CLIC4: variants seen among roughly 807,000 people sequenced by gnomAD.
CLIC4 encodes the protein CLIC family member 4, also known as chloride intracellular channel protein 4.
In CLIC4, 13 loss-of-function variants were observed where a neutral mutation model predicts 24.6. The observed-to-expected ratio is 0.53, with a 90% CI of 0.34 to 0.84. The LOEUF (loss-of-function observed/expected upper bound fraction) is 0.84, where lower values mean the gene tolerates loss of function less well. Among genes scored for constraint, CLIC4 ranks in the 40% least tolerant of loss-of-function variants. The pLI is 0.01. For missense variants in CLIC4, 227 were observed against 301.7 expected (o/e 0.75, Z 1.83); for synonymous variants, 104 against 111.3 (o/e 0.93, Z 0.41).
chr1:24,809,652 G>A (rs990139431), intron 2 of CLIC4, among the ~76,000 whole-genome samples: 1 of 152,022 alleles, frequency 6.6e-6, no homozygotes, highest in Non-Finnish European at 1.5e-5. Flanking sequence ...GTAGAGATGG[G>A]GTTTCATCAT....
At chr1:24,777,410 G>T (rs754345810) in intron 1 of CLIC4, among the ~76,000 whole-genome samples, 6 of 152,218 alleles carry the variant, frequency 3.9e-5, no homozygotes, top group Admixed American at 1.3e-4. Flanking sequence ...CAGGCGTGGT[G>T]GCATGTGCCT....
Position 24,815,900 on chromosome 1 carries a change from A to G in CLIC4, c.308+1681A>G, listed in dbSNP as rs192829451. Among the ~76,000 whole-genome samples, 191 of 152,302 alleles carry G rather than the reference A, an allele frequency of 1.3e-3. 1 individual carries two copies. Among genetic ancestry groups the G allele is most frequent in the Non-Finnish European group, 2.4e-3 (161 of 68,016 alleles). The stretch of plus-strand genomic sequence containing the variant: ...TCCTGCTGTTTTAACAACTAAGTCG[A>G]TGTAATATTCTAAATTCCTTGTTGT... On this transcript the variant is annotated intron_variant, in intron 3 of 5. Coordinates refer to ENST00000374379, the MANE Select transcript of CLIC4 (RefSeq NM_013943.3).
intron 4 of CLIC4, among the ~76,000 whole-genome samples, chr1:24,829,808 C>G (rs936571561): frequency 6.6e-6 from 1 of 152,178 alleles, no homozygotes; most frequent in African/African-American, 2.4e-5. Flanking sequence ...TCCTGCCTTT[C>G]TCTCTGGAAA....
chr1:24,840,899 A>G lies in CLIC4; in HGVS notation c.724A>G (p.Ile242Val), dbSNP rs752993634. The G allele has an allele frequency of 1.2e-6, 2 of 1,609,098 alleles. No individual in the cohort carries two copies. Among genetic ancestry groups the G allele is most frequent in the East Asian group, 4.5e-5 (2 of 44,508 alleles). The change falls in exon 6 of 6, where the codon ATA (isoleucine) becomes GTA (valine). Residue 242 changes from isoleucine to valine, a missense_variant. Physicochemically the swap from Ile to Val is conservative, Grantham distance 29. Transcript: ENST00000374379. ...NTCPSDKEVE[I>V]AYSDVAKRLT... ...CTGTCCCAGTGATAAGGAGGTTGAAATAGCATATAGTGATGTAGCCAAAAG... is the reference window on the plus strand; with the variant it reads ...CTGTCCCAGTGATAAGGAGGTTGAAGTAGCATATAGTGATGTAGCCAAAAG...
chr1:24,778,453 A>C (rs1639166426), intron 1 of CLIC4, among the ~76,000 whole-genome samples: 1 of 152,146 alleles, frequency 6.6e-6, no homozygotes, highest in South Asian at 2.1e-4. Context: ...ATTTTGATTT[A>C]TTGTAGTTGA....
chr1:24,841,005 C>A lies in CLIC4; in HGVS notation c.*68C>A. 2 of 1,346,196 alleles carry A rather than the reference C, an allele frequency of 1.5e-6. No homozygotes were observed. The highest frequency in any genetic ancestry group is 2.9e-5 in the South Asian group (2 of 69,006). The allele number at this position is 1,346,196 out of a possible 1,614,324, so 83.4% of individuals were successfully genotyped here. A position where few individuals can be genotyped will look rare whatever the true frequency, so the allele number is the denominator to read the frequency against. On this transcript the variant is annotated 3_prime_UTR_variant, in exon 6 of 6. Coordinates refer to ENST00000374379, the MANE Select transcript of CLIC4 (RefSeq NM_013943.3). ...AATACGCTTTTCCTAACAGGCTACT[C>A]CTTCCTGTAGAGCAGAAATTGTATT...
At chr1:24,765,621 G>T (rs991540436) in intron 1 of CLIC4, among the ~76,000 whole-genome samples, 2 of 152,172 alleles carry the variant, frequency 1.3e-5, no homozygotes, top group African/African-American at 4.8e-5. Flanking sequence ...AGTGTTGAGA[G>T]CAGCTATTGT....
At chr1:24,767,241 C>T (rs998910023) in intron 1 of CLIC4, among the ~76,000 whole-genome samples, 2 of 152,068 alleles carry the variant, frequency 1.3e-5, no homozygotes, top group African/African-American at 4.8e-5. Context: ...TTCTACCCTT[C>T]ACTAGTTGCC....
intron 3 of CLIC4, among the ~76,000 whole-genome samples, chr1:24,825,822 G>A (rs1475722689): frequency 6.6e-6 from 1 of 152,158 alleles, no homozygotes; most frequent in East Asian, 1.9e-4. Context: ...CTTCCCCTTC[G>A]TTTTTAAAGA....
In CLIC4 at chr1:24,824,996, TCACACA is replaced by T. The variant is rs3220273; in HGVS notation, c.309-1975_309-1970del. On this transcript the variant is annotated intron_variant, in intron 3 of 5. Transcript: ENST00000374379. ...CCCTGGGTGACAGAGGGAGACCCTGTCACACACACACACACACACACACACACACAC... is the reference window on the plus strand; with the variant it reads ...CCCTGGGTGACAGAGGGAGACCCTGTCACACACACACACACACACACACAC... 8.8e-3 allele frequency among the ~76,000 whole-genome samples: 1,176 copies of T among 133,912 alleles called. 15 individuals are homozygous for T. The highest frequency in any genetic ancestry group is 0.021 in the East Asian group (93 of 4,420). 87.9% of individuals were successfully genotyped at this position (133,912 alleles called of 152,430 possible). A position where few individuals can be genotyped will look rare whatever the true frequency, so the allele number is the denominator to read the frequency against.
chr1:24,788,534 G>A (rs781425123), intron 1 of CLIC4, among the ~76,000 whole-genome samples: 20 of 152,102 alleles, frequency 1.3e-4, no homozygotes, highest in Admixed American at 1.0e-3. Context: ...CTGTATCTGC[G>A]GGTTCTGCAT....
chr1:24,750,349 C>T (rs1281293662), intron 1 of CLIC4, among the ~76,000 whole-genome samples: 1 of 152,058 alleles, frequency 6.6e-6, no homozygotes, highest in African/African-American at 2.4e-5. Flanking sequence ...CAGCTGGGAA[C>T]CACCAACAGA....
chr1:24,758,919 A>T (rs1246826136), intron 1 of CLIC4, among the ~76,000 whole-genome samples: 1 of 152,140 alleles, frequency 6.6e-6, no homozygotes, highest in African/African-American at 2.4e-5. Context: ...CACTGATCTG[A>T]TATGTAACAT....
intron 1 of CLIC4, among the ~76,000 whole-genome samples, chr1:24,794,149 A>T (rs1246406859): frequency 6.6e-6 from 1 of 152,172 alleles, no homozygotes; most frequent in African/African-American, 2.4e-5. Context: ...TGCAGTGAAC[A>T]TACATATGCA....
chr1:24,831,116 T>C (rs1639835862), intron 4 of CLIC4, among the ~76,000 whole-genome samples: 1 of 152,242 alleles, frequency 6.6e-6, no homozygotes, highest in African/African-American at 2.4e-5. Flanking sequence ...GAAAAATTAC[T>C]AACACCGTAG....
chr1:24,817,000 C>G (rs1639677275), intron 3 of CLIC4, among the ~76,000 whole-genome samples: 1 of 152,188 alleles, frequency 6.6e-6, no homozygotes, highest in South Asian at 2.1e-4. Context: ...AACCTAATGT[C>G]AACAGCTGGA....
chr1:24,782,020 G>C (rs927115038), intron 1 of CLIC4, among the ~76,000 whole-genome samples: 1 of 152,076 alleles, frequency 6.6e-6, no homozygotes, highest in African/African-American at 2.4e-5. Context: ...TATTATGTTA[G>C]GTAATTGATC....
intron 2 of CLIC4, among the ~76,000 whole-genome samples, chr1:24,813,046 C>CT (rs1381555303): frequency 2.8e-4 from 29 of 102,944 alleles, no homozygotes; most frequent in South Asian, 1.4e-3. Context: ...TTCTTTCTTT[C>CT]TTTTTTTTTT....
At chr1:24,768,597 A>G (rs1348330517) in intron 1 of CLIC4, among the ~76,000 whole-genome samples, 1 of 152,094 alleles carries the variant, frequency 6.6e-6, no homozygotes, top group African/African-American at 2.4e-5. Context: ...CTTATACCAC[A>G]ATGAGATGAT....
Sources: gnomAD v4.1 joint callset for allele counts (sites outside exome capture counted in the v4.1 genomes callset) on GRCh38, gnomAD v4.1.1 for gene constraint, MANE v1.5 for transcripts, NCBI Gene and HGNC (gene_info 2026-07-23, HGNC 2026-07-21) for gene names.